The following DDR2 variants were observed in gnomAD, a reference collection of about 807,000 sequenced individuals.
DDR2 encodes discoidin domain receptor tyrosine kinase 2.
Under a neutral mutation model 94.9 loss-of-function variants are expected in DDR2, and 27 were observed. The observed-to-expected ratio is 0.28, with a 90% confidence interval of 0.21 to 0.39. The LOEUF is 0.39. Among genes scored for constraint, DDR2 ranks in the 10% least tolerant of loss-of-function variants. The pLI, the probability that DDR2 is intolerant of heterozygous loss-of-function variation, is 1.00. For missense variants in DDR2, 783 were observed against 1,076.0 expected (o/e 0.73, Z 3.81); for synonymous variants, 382 against 377.2 (o/e 1.01, Z -0.15).
chr1:162,769,290 C>T (rs1664150638), intron 11 of DDR2, among the ~76,000 whole-genome samples: 2 of 152,212 alleles, frequency 1.3e-5, no homozygotes, highest in African/African-American at 4.8e-5. Context: ...TGGAATGACA[C>T]CCAGTGTTTC....
At chr1:162,654,312 G>T (rs1657848776) in intron 1 of DDR2, among the ~76,000 whole-genome samples, 1 of 151,984 alleles carries the variant, frequency 6.6e-6, no homozygotes, top group African/African-American at 2.4e-5. Context: ...TGGGCATGGT[G>T]GTGTGTGCCT....
At chr1:162,714,827 A>G (rs753809384) in intron 2 of DDR2, among the ~76,000 whole-genome samples, 4 of 152,204 alleles carry the variant, frequency 2.6e-5, no homozygotes, top group African/African-American at 4.8e-5. Context: ...AGATATTTAC[A>G]AAATAGTTGC....
intron 3 of DDR2, among the ~76,000 whole-genome samples, chr1:162,723,759 T>C (rs751072741): frequency 6.6e-6 from 1 of 152,196 alleles, no homozygotes; most frequent in Admixed American, 6.5e-5. Flanking sequence ...GGTATAAAGC[T>C]GAGGCAGGGC....
chr1:162,731,725 A>G (rs941541297), intron 3 of DDR2, among the ~76,000 whole-genome samples: 2 of 152,224 alleles, frequency 1.3e-5, no homozygotes, highest in African/African-American at 4.8e-5. Context: ...GCCCCATTAC[A>G]TTCTATAAAG....
At chr1:162,755,335 T>G in intron 6 of DDR2, 32 bp downstream of exon 6, 1 of 1,612,862 alleles carries the variant, frequency 6.2e-7, no homozygotes, top group Non-Finnish European at 8.5e-7. Flanking sequence ...CCTATAGACT[T>G]TATTAAAAAC....
In DDR2 at chr1:162,755,655, C is replaced by T; in HGVS notation, c.566-9C>T. On this transcript the variant is annotated splice_polypyrimidine_tract_variant and intron_variant, in intron 6 of 17. Transcript: ENST00000367921. ...AGTAGGCACTCACTTGGCTGTGTTT[C>T]CTTTGCAGATGGCTTGGTGTCTTAC... The T allele has an allele frequency of 1.2e-6, 2 of 1,613,834 alleles. No homozygotes were observed. Among genetic ancestry groups the T allele is most frequent in the Non-Finnish European group, 1.7e-6 (2 of 1,179,728 alleles).
intron 9 of DDR2, among the ~76,000 whole-genome samples, chr1:162,762,938 G>C (rs1205410150): frequency 1.3e-5 from 2 of 152,162 alleles, no homozygotes; most frequent in African/African-American, 4.8e-5. Context: ...CCGGGATCGA[G>C]TGATTCTTCT....
intron 2 of DDR2, among the ~76,000 whole-genome samples, chr1:162,671,676 T>C (rs371643385): frequency 6.8e-4 from 104 of 152,264 alleles, no homozygotes; most frequent in African/African-American, 2.4e-3. Context: ...TCTAGCCCAA[T>C]AAATTAAGCT....
intron 1 of DDR2, among the ~76,000 whole-genome samples, chr1:162,641,353 A>T (rs1408058988): frequency 6.6e-6 from 1 of 152,148 alleles, no homozygotes; most frequent in Non-Finnish European, 1.5e-5. Context: ...CCCTGTCCCC[A>T]TACTCTCTGA....
intron 7 of DDR2, among the ~76,000 whole-genome samples, chr1:162,758,355 T>G (rs565148274): frequency 1.3e-5 from 2 of 152,292 alleles, no homozygotes; most frequent in South Asian, 4.1e-4. Flanking sequence ...ATTTCAAGAA[T>G]AATATATGCT....
rs1156609715 is a variant in DDR2 at position 162,784,719 on chromosome 1, C to T, written c.*4473C>T. 1 of 152,010 alleles carries T rather than the reference C, an allele frequency of 6.6e-6. No individual in the cohort carries two copies. The highest frequency in any genetic ancestry group is 1.5e-5 in the Non-Finnish European group (1 of 68,010). The allele number at this position is 152,010 out of a possible 1,614,324, so 9.4% of individuals were successfully genotyped here. A position where few individuals can be genotyped will look rare whatever the true frequency, so the allele number is the denominator to read the frequency against. ...GTATCCTTTAAAAAAAAACAAAAAACTTGTTATTTTGAAAGAACTTAAGGC... is the reference window on the plus strand; with the variant it reads ...GTATCCTTTAAAAAAAAACAAAAAATTTGTTATTTTGAAAGAACTTAAGGC... On this transcript the variant is annotated 3_prime_UTR_variant, in exon 18 of 18. Transcript: ENST00000367921.
intron 14 of DDR2, among the ~76,000 whole-genome samples, chr1:162,774,840 C>T (rs1647438081): frequency 6.6e-6 from 1 of 152,134 alleles, no homozygotes; most frequent in South Asian, 2.1e-4. Context: ...GGAGGTGTTG[C>T]ATCAGGACGG....
intron 3 of DDR2, among the ~76,000 whole-genome samples, chr1:162,735,340 C>T (rs962464592): frequency 2.6e-5 from 4 of 152,172 alleles, no homozygotes; most frequent in Non-Finnish European, 5.9e-5. Context: ...AAGTTATTTA[C>T]ATGAAATGAA....
intron 1 of DDR2, among the ~76,000 whole-genome samples, chr1:162,652,153 C>T (rs1357764901): frequency 6.6e-6 from 1 of 152,196 alleles, no homozygotes; most frequent in Non-Finnish European, 1.5e-5. Context: ...TTAGTTTGCT[C>T]ATTTGTAAAT....
Position 162,780,105 on chromosome 1 carries a change from C to G in DDR2, c.2434-7C>G, listed in dbSNP as rs753311229. ...TCTTTTGTTTTCCTTTATTTTTGTT[C>G]CCAAAGACTTACCTCCCTCAACCAG... On this transcript the variant is annotated splice_polypyrimidine_tract_variant and splice_region_variant and intron_variant, in intron 17 of 17. Transcript: ENST00000367921. 3 of 1,613,758 alleles carry G rather than the reference C, an allele frequency of 1.9e-6. No individual in the cohort carries two copies. The East Asian group carries it at 6.7e-5, about 36-fold the overall frequency.
At position 162,780,106 on chromosome 1, in the gene DDR2, C is replaced by T. The variant is rs758899178; in HGVS notation, c.2434-6C>T. 6.2e-7 allele frequency: 1 copy of T among 1,613,666 alleles called. No homozygotes were observed. Among genetic ancestry groups the T allele is most frequent in the African/African-American group, 1.3e-5 (1 of 74,916 alleles). ...CTTTTGTTTTCCTTTATTTTTGTTC[C>T]CAAAGACTTACCTCCCTCAACCAGC... On this transcript the variant is annotated splice_polypyrimidine_tract_variant and splice_region_variant and intron_variant, in intron 17 of 17. Coordinates refer to ENST00000367921, the MANE Select transcript of DDR2 (RefSeq NM_006182.4).
At chr1:162,748,447 C>A (rs181113155) in intron 3 of DDR2, among the ~76,000 whole-genome samples, 1 of 152,200 alleles carries the variant, frequency 6.6e-6, no homozygotes, top group Non-Finnish European at 1.5e-5. Context: ...ACAAGAAGAG[C>A]TAACTATCCT....
intron 3 of DDR2, among the ~76,000 whole-genome samples, chr1:162,737,856 T>C (rs1662387463): frequency 6.8e-6 from 1 of 147,956 alleles, no homozygotes; most frequent in African/African-American, 2.5e-5. Context: ...CCATTCTAAC[T>C]GGTGTGAGAT....
chr1:162,775,028 C>A (rs556506698), intron 14 of DDR2, among the ~76,000 whole-genome samples: 1 of 152,146 alleles, frequency 6.6e-6, no homozygotes, highest in African/African-American at 2.4e-5. Context: ...TGTACTCAAA[C>A]AATTATTAGT....
Sources: gnomAD v4.1 joint callset for allele counts (sites outside exome capture counted in the v4.1 genomes callset) on GRCh38, gnomAD v4.1.1 for gene constraint, MANE v1.5 for transcripts, NCBI Gene and HGNC (gene_info 2026-07-23, HGNC 2026-07-21) for gene names.